The following S100A8 variants were observed in gnomAD, a reference collection of about 807,000 sequenced individuals.
S100A8 encodes the protein protein S100-A8.
In S100A8, 1 loss-of-function variant was observed where a neutral mutation model predicts 4.2. That is an observed-to-expected ratio of 0.24 (90% CI 0.08 to 1.12). The LOEUF (loss-of-function observed/expected upper bound fraction) is 1.12, where lower values mean the gene tolerates loss of function less well. Ranked by LOEUF, S100A8 falls within the 50% of genes most tolerant of loss-of-function variation. S100A8 has a pLI of 0.53. For missense variants in S100A8, 96 were observed against 111.8 expected, an observed-to-expected ratio of 0.86 and a Z score of 0.64; for synonymous variants, 41 against 44.7, an observed-to-expected ratio of 0.92 and a Z score of 0.33.
the S100A8 span, among the ~76,000 whole-genome samples, chr1:153,413,274 T>C: frequency 6.6e-6 from 1 of 152,230 alleles, no homozygotes; most frequent in African/African-American, 2.4e-5. Context: ...TATAAATAAA[T>C]TTAAGTGTGT....
chr1:153,417,661 G>A, the S100A8 span, among the ~76,000 whole-genome samples: 55 of 152,328 alleles, frequency 3.6e-4, no homozygotes, highest in Admixed American at 1.5e-3. Flanking sequence ...TCCTGCCCCC[G>A]TGACTCTCAC....
the S100A8 span, among the ~76,000 whole-genome samples, chr1:153,414,552 A>T: frequency 5.8e-3 from 880 of 152,350 alleles, 8 homozygotes; most frequent in African/African-American, 0.021. Flanking sequence ...AATTAAAACA[A>T]CAATGAGATA....
At chr1:153,405,647 C>G in the S100A8 span, among the ~76,000 whole-genome samples, 1 of 152,252 alleles carries the variant, frequency 6.6e-6, no homozygotes, top group African/African-American at 2.4e-5. Context: ...TGCCCAGACC[C>G]CCACCTAGAC....
chr1:153,398,761 C>A, the S100A8 span, among the ~76,000 whole-genome samples: 2 of 152,178 alleles, frequency 1.3e-5, no homozygotes, highest in South Asian at 2.1e-4. Flanking sequence ...GTAACCCTCA[C>A]GTGGGCCATA....
the S100A8 span, among the ~76,000 whole-genome samples, chr1:153,396,198 G>A: frequency 6.6e-6 from 1 of 151,716 alleles, no homozygotes; most frequent in African/African-American, 2.4e-5. Context: ...CCTCAGACAG[G>A]GACTCCCTGG....
chr1:153,420,030 G>T, the S100A8 span: 1 of 152,368 alleles, frequency 6.6e-6, no homozygotes, highest in South Asian at 2.1e-4. Flanking sequence ...TGGGTTTCTG[G>T]TGATGAATGA....
the S100A8 span, among the ~76,000 whole-genome samples, chr1:153,406,902 C>A: frequency 6.6e-6 from 1 of 152,184 alleles, no homozygotes; most frequent in Non-Finnish European, 1.5e-5. Flanking sequence ...AAAGATAAGG[C>A]CCCTATTAAA....
At chr1:153,394,533 G>A (rs1281042270), upstream of S100A8, among the ~76,000 whole-genome samples, 4 of 152,166 alleles carry the variant, frequency 2.6e-5, no homozygotes, top group Non-Finnish European at 4.4e-5. Flanking sequence ...GGGACACTGA[G>A]GTCCTGTCTC....
At chr1:153,397,377 C>T in the S100A8 span, among the ~76,000 whole-genome samples, 2 of 152,188 alleles carry the variant, frequency 1.3e-5, no homozygotes, top group African/African-American at 2.4e-5. Flanking sequence ...GCTGGGCCCA[C>T]ATAGAGCGCA....
chr1:153,393,968 C>A (rs560163186), upstream of S100A8, among the ~76,000 whole-genome samples: 1 of 152,196 alleles, frequency 6.6e-6, no homozygotes. Flanking sequence ...ATGTCGCCCC[C>A]TCCCCAGAAA....
the S100A8 span, among the ~76,000 whole-genome samples, chr1:153,418,636 A>C: frequency 6.6e-6 from 1 of 152,230 alleles, no homozygotes; most frequent in East Asian, 1.9e-4. Context: ...CTTTGCAATA[A>C]AGAAAACTCA....
the S100A8 span, among the ~76,000 whole-genome samples, chr1:153,415,183 TGC>T: frequency 2.7e-5 from 4 of 150,212 alleles, no homozygotes; most frequent in African/African-American, 1.0e-4. Flanking sequence ...TGTGTGTGTG[TGC>T]GTGTGTGTGT....
At chr1:153,407,996 A>T in the S100A8 span, among the ~76,000 whole-genome samples, 1 of 152,230 alleles carries the variant, frequency 6.6e-6, no homozygotes, top group Admixed American at 6.5e-5. Context: ...CCAAAGGTAG[A>T]TAAAACCACA....
the S100A8 span, chr1:153,418,015 G>C: frequency 1.2e-5 from 19 of 1,599,242 alleles, no homozygotes; most frequent in South Asian, 1.9e-4. Context: ...CCCCCACATA[G>C]AGACCTTAAT....
At chr1:153,418,369 T>C in the S100A8 span, 6 of 1,123,712 alleles carry the variant, frequency 5.3e-6, no homozygotes, top group African/African-American at 6.3e-5. Flanking sequence ...TTGGATCATA[T>C]GTGAATCTAA....
chr1:153,410,294 G>T, the S100A8 span, among the ~76,000 whole-genome samples: 1 of 151,916 alleles, frequency 6.6e-6, no homozygotes, highest in Non-Finnish European at 1.5e-5. Flanking sequence ...ATGACAAAGG[G>T]GATATCACCA....
At chr1:153,396,193 G>A in the S100A8 span, among the ~76,000 whole-genome samples, 1 of 152,166 alleles carries the variant, frequency 6.6e-6, no homozygotes, top group Non-Finnish European at 1.5e-5. Flanking sequence ...CTCCTCCTCA[G>A]ACAGGGACTC....
At chr1:153,418,156 G>A in the S100A8 span, 1,247 of 1,614,034 alleles carry the variant, frequency 7.7e-4, 4 homozygotes, top group African/African-American at 9.8e-3. Context: ...GGACGTGATG[G>A]CAAGATTGAG....
At chr1:153,420,640 A>G in the S100A8 span, 4 of 152,286 alleles carry the variant, frequency 2.6e-5, no homozygotes, top group African/African-American at 9.6e-5. Flanking sequence ...TCCTGAACAT[A>G]TTCTGCACCT....
Sources: gnomAD v4.1 joint callset for allele counts (sites outside exome capture counted in the v4.1 genomes callset) on GRCh38, gnomAD v4.1.1 for gene constraint, MANE v1.5 for transcripts, NCBI Gene and HGNC (gene_info 2026-07-23, HGNC 2026-07-21) for gene names.